Variants in CNTNAP2 observed in about 807,000 individuals in gnomAD.
The protein encoded by CNTNAP2 is contactin-associated protein-like 2.
CNTNAP2 carries 98 observed loss-of-function variants against 155.2 expected under a neutral mutation model. The observed-to-expected ratio is 0.63, with a 90% CI of 0.54 to 0.75. CNTNAP2 has a LOEUF of 0.75. Ranked by LOEUF, CNTNAP2 falls within the 30% of genes least tolerant of loss-of-function variation. CNTNAP2 has a pLI of 0.00. For missense variants in CNTNAP2, 1,727 were observed against 1,688.1 expected (o/e 1.02, Z -0.40); for synonymous variants, 651 against 631.2 (o/e 1.03, Z -0.47).
At chr7:147,052,611 A>G (rs1378278896) in intron 4 of CNTNAP2, among the ~76,000 whole-genome samples, 1 of 152,052 alleles carries the variant, frequency 6.6e-6, no homozygotes, top group East Asian at 1.9e-4. Context: ...TCTAATTTAA[A>G]TATTTGTATA....
At chr7:146,202,974 T>A (rs1798889628) in intron 1 of CNTNAP2, among the ~76,000 whole-genome samples, 1 of 152,170 alleles carries the variant, frequency 6.6e-6, no homozygotes, top group African/African-American at 2.4e-5. Context: ...TGTTCTCTGA[T>A]ACACTTTAGA....
intron 3 of CNTNAP2, among the ~76,000 whole-genome samples, chr7:146,940,751 CTA>C (rs199504169): frequency 2.0e-5 from 3 of 150,550 alleles, no homozygotes; most frequent in Admixed American, 6.6e-5. Flanking sequence ...ACACACTGCA[CTA>C]TATATATATA....
At chr7:148,410,641 A>G (rs1799815724) in intron 23 of CNTNAP2, among the ~76,000 whole-genome samples, 1 of 152,146 alleles carries the variant, frequency 6.6e-6, no homozygotes, top group Non-Finnish European at 1.5e-5. Flanking sequence ...AAATTATCAG[A>G]AAATCACTGG....
chr7:146,840,761 A>G (rs1272307058), intron 3 of CNTNAP2, among the ~76,000 whole-genome samples: 7 of 152,198 alleles, frequency 4.6e-5, no homozygotes, highest in Non-Finnish European at 1.0e-4. Context: ...TTGTATTTTA[A>G]AAGTCCCCAA....
intron 12 of CNTNAP2, among the ~76,000 whole-genome samples, chr7:147,619,979 C>CAG (rs1470380526): frequency 6.6e-6 from 1 of 152,152 alleles, no homozygotes; most frequent in Non-Finnish European, 1.5e-5. Flanking sequence ...TGGCTCAGAA[C>CAG]AGAGAGAGAC....
At chr7:147,254,047 C>T (rs1584822231) in intron 8 of CNTNAP2, among the ~76,000 whole-genome samples, 1 of 152,136 alleles carries the variant, frequency 6.6e-6, no homozygotes, top group African/African-American at 2.4e-5. Flanking sequence ...TCTCTGAATT[C>T]CTGACCTCTG....
At chr7:146,726,350 G>A (rs575304766) in intron 1 of CNTNAP2, among the ~76,000 whole-genome samples, 9 of 152,182 alleles carry the variant, frequency 5.9e-5, no homozygotes, top group African/African-American at 2.2e-4. Context: ...GCTTTGAGAA[G>A]TAAATAATGG....
intron 13 of CNTNAP2, among the ~76,000 whole-genome samples, chr7:147,812,295 C>T (rs994662664): frequency 4.6e-5 from 7 of 151,964 alleles, no homozygotes; most frequent in African/African-American, 1.2e-4. Context: ...TAGACTTTTT[C>T]GTTGTTGATG....
intron 18 of CNTNAP2, among the ~76,000 whole-genome samples, chr7:148,174,226 A>G (rs946551848): frequency 2.0e-5 from 3 of 152,244 alleles, no homozygotes; most frequent in Non-Finnish European, 4.4e-5. Context: ...CATCCTTCTG[A>G]GTCAAGTACC....
chr7:147,100,669 T>G (rs1323901389), intron 4 of CNTNAP2, among the ~76,000 whole-genome samples: 2 of 152,198 alleles, frequency 1.3e-5, no homozygotes, highest in Non-Finnish European at 2.9e-5. Context: ...CCTTAAATCA[T>G]GTATAAATCT....
intron 22 of CNTNAP2, among the ~76,000 whole-genome samples, chr7:148,402,456 G>GTTTT (rs1799608650): frequency 6.6e-6 from 1 of 152,170 alleles, no homozygotes. Flanking sequence ...CCAAAAATGT[G>GTTTT]ATTAGCAGGG....
chr7:148,252,636 G>A (rs369048860), intron 20 of CNTNAP2, among the ~76,000 whole-genome samples: 1 of 152,168 alleles, frequency 6.6e-6, no homozygotes, highest in East Asian at 1.9e-4. Flanking sequence ...AAGTCATAGA[G>A]TAGATATTCA....
chr7:147,092,600 T>C (rs887779326), intron 4 of CNTNAP2, among the ~76,000 whole-genome samples: 4 of 152,204 alleles, frequency 2.6e-5, no homozygotes, highest in Non-Finnish European at 4.4e-5. Flanking sequence ...GTTTTTATGT[T>C]GCAATTTTTA....
At chr7:146,457,885 T>C (rs1796580850) in intron 1 of CNTNAP2, among the ~76,000 whole-genome samples, 1 of 152,172 alleles carries the variant, frequency 6.6e-6, no homozygotes, top group African/African-American at 2.4e-5. Flanking sequence ...TATCAAAAAT[T>C]ATTTTTAAAA....
chr7:147,295,819 A>C (rs1805431447), intron 8 of CNTNAP2, among the ~76,000 whole-genome samples: 1 of 152,182 alleles, frequency 6.6e-6, no homozygotes, highest in African/African-American at 2.4e-5. Flanking sequence ...TTAAAATTTC[A>C]AAATAATAAT....
At chr7:146,755,083 A>G (rs1195587698) in intron 1 of CNTNAP2, among the ~76,000 whole-genome samples, 1 of 151,934 alleles carries the variant, frequency 6.6e-6, no homozygotes, top group African/African-American at 2.4e-5. Flanking sequence ...CTCTCCTGCA[A>G]TGGGATTGAT....
intron 8 of CNTNAP2, among the ~76,000 whole-genome samples, chr7:147,278,604 GA>G (rs1353287541): frequency 6.6e-6 from 1 of 151,548 alleles, no homozygotes; most frequent in East Asian, 1.9e-4. Flanking sequence ...TTATTAAAAT[GA>G]AAAATAGCAC....
chr7:146,396,942 G>T (rs1795636968), intron 1 of CNTNAP2, among the ~76,000 whole-genome samples: 2 of 151,978 alleles, frequency 1.3e-5, no homozygotes, highest in South Asian at 4.1e-4. Flanking sequence ...TATCTGAGAA[G>T]CATAGCAATT....
At chr7:147,776,607 A>G (rs949147054) in intron 13 of CNTNAP2, among the ~76,000 whole-genome samples, 2 of 152,182 alleles carry the variant, frequency 1.3e-5, no homozygotes, top group African/African-American at 4.8e-5. Context: ...CCATTAGAAG[A>G]AATATTTTCA....
Sources: allele counts gnomAD v4.1 joint callset (sites outside exome capture counted in the v4.1 genomes callset), GRCh38; gene constraint gnomAD v4.1.1; transcripts MANE v1.5; gene names NCBI Gene and HGNC (gene_info 2026-07-23, HGNC 2026-07-21).